CSMD1: variants seen among roughly 807,000 people sequenced by gnomAD.
The protein encoded by CSMD1 is CUB and sushi domain-containing protein 1.
Under a neutral mutation model 417.5 loss-of-function variants are expected in CSMD1, and 213 were observed. That is an observed-to-expected ratio of 0.51 (90% CI 0.46 to 0.57). The LOEUF (loss-of-function observed/expected upper bound fraction) is 0.57, where lower values mean the gene tolerates loss of function less well. Among genes scored for constraint, CSMD1 ranks in the 20% least tolerant of loss-of-function variants. The pLI is 0.00. For synonymous variants in CSMD1, 2,862 were observed against 1,736.8 expected, an observed-to-expected ratio of 1.65 and a Z score of -16.11; for missense variants, 6,923 against 4,529.7, an observed-to-expected ratio of 1.53 and a Z score of -15.17.
chr8:4,321,030 A>T (rs1320381790), intron 3 of CSMD1, among the ~76,000 whole-genome samples: 3 of 152,128 alleles, frequency 2.0e-5, no homozygotes, highest in Non-Finnish European at 4.4e-5. Flanking sequence ...ATACACATTC[A>T]TATTTTCACA....
At chr8:4,434,032 G>A (rs527901725) in intron 2 of CSMD1, among the ~76,000 whole-genome samples, 11 of 152,096 alleles carry the variant, frequency 7.2e-5, no homozygotes, top group Admixed American at 4.6e-4. Flanking sequence ...ATATGACAAG[G>A]AATTTTAAAT....
intron 1 of CSMD1, among the ~76,000 whole-genome samples, chr8:4,908,847 C>A (rs1423858643): frequency 6.6e-6 from 1 of 152,174 alleles, no homozygotes; most frequent in Non-Finnish European, 1.5e-5. Flanking sequence ...ATCATACTCA[C>A]TTAAAATATC....
At chr8:3,270,554 A>G (rs1248664808) in intron 26 of CSMD1, among the ~76,000 whole-genome samples, 1 of 152,204 alleles carries the variant, frequency 6.6e-6, no homozygotes, top group Non-Finnish European at 1.5e-5. Flanking sequence ...ATCAAGAGTA[A>G]AAGAACTTTA....
intron 37 of CSMD1, among the ~76,000 whole-genome samples, chr8:3,174,471 G>T (rs1405807167): frequency 6.6e-6 from 1 of 152,016 alleles, no homozygotes; most frequent in Admixed American, 6.6e-5. Context: ...CTCCAGCCTG[G>T]GCCAGAGTGA....
chr8:3,511,808 A>G (rs1267151199), intron 10 of CSMD1, among the ~76,000 whole-genome samples: 1 of 151,444 alleles, frequency 6.6e-6, no homozygotes, highest in Non-Finnish European at 1.5e-5. Context: ...ATAACATAAC[A>G]TAACATAACA....
chr8:3,318,759 T>G (rs999266739), intron 23 of CSMD1, among the ~76,000 whole-genome samples: 1 of 152,088 alleles, frequency 6.6e-6, no homozygotes, highest in Non-Finnish European at 1.5e-5. Context: ...TCTGCAGGGT[T>G]TCTGTGGAAG....
chr8:3,908,252 G>C (rs571949192), intron 5 of CSMD1, among the ~76,000 whole-genome samples: 19 of 85,374 alleles, frequency 2.2e-4, no homozygotes, highest in African/African-American at 5.7e-4. Context: ...GGAGATATGA[G>C]AAAGCTGAGT....
chr8:4,644,593 G>C (rs996315710), intron 1 of CSMD1, among the ~76,000 whole-genome samples: 8 of 152,192 alleles, frequency 5.3e-5, no homozygotes, highest in Admixed American at 5.2e-4. Flanking sequence ...TTTTAGTAGA[G>C]ACAGGGTTGT....
chr8:3,387,514 T>C lies in CSMD1; in HGVS notation c.2762A>G (p.His921Arg), dbSNP rs1163393023. ...LVCERNHQWN[H>R]ALPSCDALCG... is the part of the protein sequence containing the mutation. ...CCTACCGTCGCAGCTGGGCAAGGCG[T>C]GGTTCCACTGGTGGTTCCTCTCACA... The change falls in exon 18 of 70, where the codon CAC becomes CGC. Residue 921 changes from histidine (H) to arginine (R), a missense_variant. By Grantham distance (29) the His-to-Arg change is conservative (BLOSUM62 0). Coordinates refer to ENST00000635120, the MANE Select transcript of CSMD1 (RefSeq NM_033225.6). 6.2e-7 allele frequency: 1 copy of C among 1,601,226 alleles called. No individual in the cohort carries two copies. Among genetic ancestry groups the C allele is most frequent in the Non-Finnish European group, 8.5e-7 (1 of 1,173,884 alleles).
chr8:4,925,721 G>T (rs562996184), intron 1 of CSMD1, among the ~76,000 whole-genome samples: 1 of 151,858 alleles, frequency 6.6e-6, no homozygotes, highest in Non-Finnish European at 1.5e-5. Context: ...TAATTTTTTT[G>T]TATTTTTAGT....
chr8:4,378,136 A>C (rs767590649), intron 3 of CSMD1, among the ~76,000 whole-genome samples: 1 of 152,218 alleles, frequency 6.6e-6, no homozygotes, highest in East Asian at 1.9e-4. Flanking sequence ...TGGAGTGTAC[A>C]TGCTTCAATA....
intron 65 of CSMD1, among the ~76,000 whole-genome samples, chr8:2,952,934 C>T (rs940062708): frequency 1.3e-5 from 2 of 152,158 alleles, no homozygotes; most frequent in Non-Finnish European, 2.9e-5. Flanking sequence ...CAGTACAATG[C>T]AGCAGCCACA....
rs1806327917 is a variant in CSMD1, at chr8:4,919,979, A to T, written c.85+74353T>A. On this transcript the variant is annotated intron_variant, in intron 1 of 69. Transcript: ENST00000635120. ...CTTGATCTTGGACTTCCCAGCCTCC[A>T]GAACCATGAGAAATACATTTCTGTT... 2.0e-5 allele frequency among the ~76,000 whole-genome samples: 3 copies of T among 152,320 alleles called. No individual in the cohort carries two copies. The East Asian group carries it at 5.8e-4, about 29-fold the overall frequency.
Position 3,734,438 on chromosome 8 carries a change from C to A in CSMD1, c.931+19492G>T, listed in dbSNP as rs141515650. ...TAAAATACAGAAACTCTGCCAGGTG[C>A]GATGGCTCACGCCTGTAATCCCAGC... On this transcript the variant is annotated intron_variant, in intron 6 of 69. Coordinates refer to ENST00000635120, the MANE Select transcript of CSMD1 (RefSeq NM_033225.6). Among the ~76,000 whole-genome samples, 61 of 152,266 alleles carry A rather than the reference C, an allele frequency of 4.0e-4. No homozygotes were observed. In the East Asian group the frequency reaches 0.011, roughly 27 times the overall value.
chr8:4,435,064 T>A (rs947664380), intron 2 of CSMD1, among the ~76,000 whole-genome samples: 7 of 152,164 alleles, frequency 4.6e-5, no homozygotes, highest in African/African-American at 1.7e-4. Context: ...TTGTGTGTAA[T>A]ATATCGGTGT....
chr8:4,188,946 A>G (rs10503239), intron 3 of CSMD1, among the ~76,000 whole-genome samples: 20,579 of 152,130 alleles, frequency 0.14, 3,059 homozygotes, highest in African/African-American at 0.37. Context: ...GTTTACTCAG[A>G]TATTAGAGCC....
intron 5 of CSMD1, among the ~76,000 whole-genome samples, chr8:3,925,876 CAA>C (rs1019387070): frequency 1.3e-5 from 2 of 151,652 alleles, no homozygotes; most frequent in African/African-American, 4.9e-5. Context: ...TTATTTTATT[CAA>C]GTTTTATTTT....
intron 3 of CSMD1, among the ~76,000 whole-genome samples, chr8:4,135,720 C>A (rs188994722): frequency 4.6e-5 from 7 of 151,998 alleles, no homozygotes; most frequent in African/African-American, 1.7e-4. Context: ...TAATATAATT[C>A]AGTCACCAAT....
chr8:4,222,589 T>C (rs984905136), intron 3 of CSMD1, among the ~76,000 whole-genome samples: 13 of 152,204 alleles, frequency 8.5e-5, no homozygotes, highest in African/African-American at 1.9e-4. Flanking sequence ...AAAAATCTGA[T>C]TGTCCGAAGC....
Sources: gnomAD v4.1 joint callset for allele counts (sites outside exome capture counted in the v4.1 genomes callset) on GRCh38, gnomAD v4.1.1 for gene constraint, MANE v1.5 for transcripts, NCBI Gene and HGNC (gene_info 2026-07-23, HGNC 2026-07-21) for gene names.